The following MED22 variants were observed in gnomAD, a reference collection of about 807,000 sequenced individuals.
The protein encoded by MED22 is mediator complex subunit 22.
A neutral mutation model predicts 22.7 loss-of-function variants in MED22; 22 were observed. That is an observed-to-expected ratio of 0.97 (90% confidence interval 0.69 to 1.38). The LOEUF is 1.38. MED22 is among the 40% of genes most tolerant of loss of function. The pLI, the probability that MED22 is intolerant of heterozygous loss-of-function variation, is 0.00. For synonymous variants in MED22, 134 were observed against 119.4 expected, an observed-to-expected ratio of 1.12 and a Z score of -0.80; for missense variants, 247 against 263.0, an observed-to-expected ratio of 0.94 and a Z score of 0.42.
At chr9:133,347,377 G>C (rs1368196263) in intron 1 of MED22, 1 of 151,282 alleles carries the variant, frequency 6.6e-6, no homozygotes, top group Admixed American at 6.6e-5. Context: ...TTAGCCGGGC[G>C]TGATGGCAGG....
At chr9:133,346,129 G>A (rs1203904713) in intron 2 of MED22, among the ~76,000 whole-genome samples, 1 of 152,236 alleles carries the variant, frequency 6.6e-6, no homozygotes, top group African/African-American at 2.4e-5. Context: ...AGCCCAATCT[G>A]ATGCAGCTGT....
In MED22 at chr9:133,345,135, T is replaced by TG. The variant is rs1276292799; in HGVS notation, c.204+36dup. On this transcript the variant is annotated intron_variant, in intron 3 of 4. Coordinates refer to ENST00000343730, the MANE Select transcript of MED22 (RefSeq NM_133640.5). ...GGAAACCTGAGGGGACTGATGCTCTTGGAGCCCAGGCCGTGCCCTCCACCC... is the reference window on the plus strand; with the variant it reads ...GGAAACCTGAGGGGACTGATGCTCTTGGGAGCCCAGGCCGTGCCCTCCACCC... 3 of 1,606,466 alleles carry TG rather than the reference T, an allele frequency of 1.9e-6. No individual in the cohort carries two copies. In the Admixed American group the frequency reaches 5.0e-5, roughly 27 times the overall value.
intron 4 of MED22, chr9:133,343,853 C>A: frequency 2.8e-6 from 4 of 1,412,848 alleles, no homozygotes; most frequent in Non-Finnish European, 3.7e-6. Flanking sequence ...TACAGCCAGG[C>A]GCCTCCCTTC....
chr9:133,348,079 A>C lies in MED22; in HGVS notation c.-196T>G, dbSNP rs1836254318. ...CCGCCGCGCCGCGGTCCGAAAACCTAGTCAGCCGCCGCAGCCTCTCGGCCC... is the reference window on the plus strand; with the variant it reads ...CCGCCGCGCCGCGGTCCGAAAACCTCGTCAGCCGCCGCAGCCTCTCGGCCC... On this transcript the variant is annotated 5_prime_UTR_variant, in exon 1 of 5. Transcript: ENST00000343730. 2.0e-6 allele frequency: 2 copies of C among 984,800 alleles called. No individual in the cohort carries two copies. The highest frequency in any genetic ancestry group is 2.9e-5 in the South Asian group (2 of 69,966). The allele number at this position is 984,800 out of a possible 1,614,324, so 61.0% of individuals were successfully genotyped here.
In MED22 at chr9:133,348,100, G is replaced by A. The variant is rs2129976224; in HGVS notation, c.-217C>T. 0.38 allele frequency: 460,632 copies of A among 1,218,152 alleles called. 90,392 individuals are homozygous for A. The highest frequency in any genetic ancestry group is 0.46 in the South Asian group (35,956 of 78,690). 75.5% of individuals were successfully genotyped at this position (1,218,152 alleles called of 1,614,324 possible). A position where few individuals can be genotyped will look rare whatever the true frequency, so the allele number is the denominator to read the frequency against. ...ACCTAGTCAGCCGCCGCAGCCTCTCGGCCCCGCCTCGATTTTTAGCTTTAT... is the reference window on the plus strand; with the variant it reads ...ACCTAGTCAGCCGCCGCAGCCTCTCAGCCCCGCCTCGATTTTTAGCTTTAT... On this transcript the variant is annotated 5_prime_UTR_variant, in exon 1 of 5. Coordinates refer to ENST00000343730, the MANE Select transcript of MED22 (RefSeq NM_133640.5).
At chr9:133,343,184 C>G (rs2129955922) in intron 4 of MED22, 2 of 1,088,724 alleles carry the variant, frequency 1.8e-6, no homozygotes, top group Non-Finnish European at 2.2e-6. Context: ...CATGCTGGCT[C>G]TGGATATCTG....
In MED22 at chr9:133,339,456, C is replaced by A; in HGVS notation, c.*2049G>T. ...TGCTGGAACCTCTTCCCTATGAATT[C>A]ATGGCATCGTGGGTGTTAAAAAAAT... On this transcript the variant is annotated 3_prime_UTR_variant, in exon 5 of 5. Coordinates refer to ENST00000343730, the MANE Select transcript of MED22 (RefSeq NM_133640.5). The A allele has an allele frequency of 1.3e-6, 1 of 750,276 alleles. No homozygotes were observed. Among genetic ancestry groups the A allele is most frequent in the African/African-American group, 1.7e-5 (1 of 57,970 alleles). The allele number at this position is 750,276 out of a possible 1,614,324, so 46.5% of individuals were successfully genotyped here.
chr9:133,342,905 AC>A, intron 4 of MED22: 1 of 985,556 alleles, frequency 1.0e-6, no homozygotes, highest in Non-Finnish European at 1.2e-6. Context: ...TTACAGGCCC[AC>A]AGCTGCTCTG....
At chr9:133,343,822 CG>C in intron 4 of MED22, 1 of 1,404,246 alleles carries the variant, frequency 7.1e-7, no homozygotes, top group Non-Finnish European at 9.2e-7. Context: ...GGAAGGCTCT[CG>C]GAAGAGGGCC....
In MED22 at chr9:133,341,305, AAATGGCTAGGGAAACAACT is replaced by A. The variant is rs1241516773; in HGVS notation, c.*181_*199del. Reference sequence around the variant, plus strand: ...TGACTCGGAATGATGGGCTATTCGGAAATGGCTAGGGAAACAACTGTTTCCCTACTGTCCTGGCGGGACC... The same window carrying A: ...TGACTCGGAATGATGGGCTATTCGGAGTTTCCCTACTGTCCTGGCGGGACC... On this transcript the variant is annotated 3_prime_UTR_variant, in exon 5 of 5. Transcript: ENST00000343730. The A allele has an allele frequency of 3.5e-5, 17 of 489,934 alleles. No individual in the cohort carries two copies. Among genetic ancestry groups the A allele is most frequent in the Non-Finnish European group, 5.5e-5 (16 of 290,594 alleles). 30.3% of individuals were successfully genotyped at this position (489,934 alleles called of 1,614,324 possible).
At chr9:133,341,958 C>T (rs2119057546) in intron 4 of MED22, 2 of 1,260,640 alleles carry the variant, frequency 1.6e-6, no homozygotes, top group East Asian at 4.5e-5. Context: ...CCTCAGCAGG[C>T]CCTTCCTGCC....
intron 3 of MED22, 144 bp from the exon 4 acceptor site, chr9:133,344,477 C>G: frequency 2.6e-6 from 2 of 755,736 alleles, no homozygotes; most frequent in South Asian, 3.3e-5. Context: ...CTGACCTCCA[C>G]AGGTTCATGT....
intron 1 of MED22, 47 bp from the exon 2 acceptor site, chr9:133,346,747 C>T: frequency 1.3e-6 from 2 of 1,524,250 alleles, no homozygotes; most frequent in Admixed American, 3.9e-5. Flanking sequence ...TCTACCCCAG[C>T]CACCCTCTAT....
chr9:133,346,333 C>T (rs1448533821), intron 2 of MED22: 1 of 607,776 alleles, frequency 1.6e-6, no homozygotes, highest in Non-Finnish European at 2.8e-6. Context: ...AACTGAGGCA[C>T]TAAAAAGTGA....
chr9:133,339,525 A>C lies in MED22; in HGVS notation c.*1980T>G, dbSNP rs1397851171. Reference sequence around the variant, plus strand: ...AAAGAAAAAAAATAGGCATTAAAAAAACTATTTGGGGAACAACTGAAGAAA... The same window carrying C: ...AAAGAAAAAAAATAGGCATTAAAAACACTATTTGGGGAACAACTGAAGAAA... On this transcript the variant is annotated 3_prime_UTR_variant, in exon 5 of 5. Coordinates refer to ENST00000343730, the MANE Select transcript of MED22 (RefSeq NM_133640.5). The C allele has an allele frequency of 8.6e-5, 49 of 566,648 alleles. No individual in the cohort carries two copies. The highest frequency in any genetic ancestry group is 2.5e-5 in the Non-Finnish European group (8 of 313,804). 35.1% of individuals were successfully genotyped at this position (566,648 alleles called of 1,614,324 possible).
intron 4 of MED22, chr9:133,342,376 C>T (rs2129953084): frequency 3.4e-5 from 34 of 986,010 alleles, no homozygotes; most frequent in East Asian, 1.1e-4. Flanking sequence ...CTGGCTTTCC[C>T]GCGGCCTGCC....
rs2129954514 is a variant in MED22 at position 133,342,693 on chromosome 9, C to T, written c.414-999G>A. ...CTGCCACAGGGGCTGTGTGAGGCCC[C>T]CCAGGGGGCGCTGGTGTGGACAGGA... On this transcript the variant is annotated intron_variant, in intron 4 of 4. Transcript: ENST00000343730. 141 of 985,904 alleles carry T rather than the reference C, an allele frequency of 1.4e-4. No individual in the cohort carries two copies. In the Middle Eastern group the frequency reaches 1.6e-3, roughly 11 times the overall value. 61.1% of individuals were successfully genotyped at this position (985,904 alleles called of 1,614,324 possible). A position where few individuals can be genotyped will look rare whatever the true frequency, so the allele number is the denominator to read the frequency against.
intron 2 of MED22, 96 bp downstream of exon 2, chr9:133,346,444 T>G: frequency 6.6e-7 from 1 of 1,511,094 alleles, no homozygotes; most frequent in East Asian, 2.3e-5. Context: ...GCTTCCTGCC[T>G]AGAACACTAT....
rs1026771133 is a variant in MED22, at chr9:133,341,280, T to C, written c.*225A>G. The C allele has an allele frequency of 5.2e-5, 23 of 446,594 alleles. No individual in the cohort carries two copies. The highest frequency in any genetic ancestry group is 3.9e-4 in the African/African-American group (19 of 48,794). 27.7% of individuals were successfully genotyped at this position (446,594 alleles called of 1,614,324 possible). A position where few individuals can be genotyped will look rare whatever the true frequency, so the allele number is the denominator to read the frequency against. On this transcript the variant is annotated 3_prime_UTR_variant, in exon 5 of 5. Coordinates refer to ENST00000343730, the MANE Select transcript of MED22 (RefSeq NM_133640.5). ...CCAGGAAGGCAGCAAACAGAGATGATGACTCGGAATGATGGGCTATTCGGA... is the reference window on the plus strand; with the variant it reads ...CCAGGAAGGCAGCAAACAGAGATGACGACTCGGAATGATGGGCTATTCGGA...
Sources: gnomAD v4.1 joint callset for allele counts (sites outside exome capture counted in the v4.1 genomes callset) on GRCh38, gnomAD v4.1.1 for gene constraint, MANE v1.5 for transcripts, NCBI Gene and HGNC (gene_info 2026-07-23, HGNC 2026-07-21) for gene names.